The following LRRC4C variants were observed in gnomAD, a reference collection of about 807,000 sequenced individuals.
LRRC4C encodes the protein leucine rich repeat containing 4C.
In LRRC4C, 5 loss-of-function variants were observed where a neutral mutation model predicts 33.6. The observed-to-expected ratio is 0.15, with a 90% CI of 0.08 to 0.31. LRRC4C has a LOEUF of 0.31. LRRC4C is among the 10% of genes least tolerant of loss of function. The probability of loss-of-function intolerance (pLI) is 1.00; values close to 1 mark genes in which losing one functional copy is unlikely to be tolerated. For missense variants in LRRC4C, 560 were observed against 796.7 expected (o/e 0.70, Z 3.58); for synonymous variants, 329 against 302.0 (o/e 1.09, Z -0.93).
At chr11:41,365,187 G>A (rs1952491762) in intron 1 of LRRC4C, among the ~76,000 whole-genome samples, 1 of 152,110 alleles carries the variant, frequency 6.6e-6, no homozygotes. Flanking sequence ...AGTTAGTGGA[G>A]ACATCAGATG....
intron 3 of LRRC4C, among the ~76,000 whole-genome samples, chr11:40,460,733 G>A (rs1182840102): frequency 2.0e-5 from 3 of 152,098 alleles, no homozygotes; most frequent in South Asian, 2.1e-4. Context: ...GATGCTCCAC[G>A]AAGACAGGGG....
chr11:40,381,716 CTT>C (rs1400735418), intron 3 of LRRC4C, among the ~76,000 whole-genome samples: 1 of 151,838 alleles, frequency 6.6e-6, no homozygotes, highest in African/African-American at 2.4e-5. Flanking sequence ...ATGGCTCTCT[CTT>C]GGTGCTACCA....
intron 1 of LRRC4C, among the ~76,000 whole-genome samples, chr11:41,362,778 T>C (rs1952400991): frequency 6.7e-6 from 1 of 150,288 alleles, no homozygotes; most frequent in Non-Finnish European, 1.5e-5. Context: ...CTTCTAGAGC[T>C]GCATTCCTAA....
At chr11:41,387,567 G>T (rs978829218) in intron 1 of LRRC4C, among the ~76,000 whole-genome samples, 2 of 151,824 alleles carry the variant, frequency 1.3e-5, no homozygotes, top group South Asian at 2.1e-4. Flanking sequence ...TTTTTGAGGA[G>T]AGATGGTAAT....
chr11:40,244,694 G>GT (rs1866188495), intron 4 of LRRC4C, among the ~76,000 whole-genome samples: 1 of 150,650 alleles, frequency 6.6e-6, no homozygotes, highest in Non-Finnish European at 1.5e-5. Flanking sequence ...ATTAACCTGT[G>GT]TTTTTTGAGT....
intron 2 of LRRC4C, among the ~76,000 whole-genome samples, chr11:40,660,999 G>C (rs1016101236): frequency 1.3e-5 from 2 of 152,056 alleles, no homozygotes; most frequent in Non-Finnish European, 2.9e-5. Context: ...ATGAATAAAG[G>C]GGTTTCTTTT....
At chr11:40,660,643 G>GATCT (rs1943384508) in intron 2 of LRRC4C, among the ~76,000 whole-genome samples, 1 of 152,134 alleles carries the variant, frequency 6.6e-6, no homozygotes, top group Admixed American at 6.5e-5. Context: ...AGCACACAAT[G>GATCT]ATCTCTTCCT....
chr11:40,315,205 A>G (rs1945514653), intron 4 of LRRC4C, among the ~76,000 whole-genome samples: 1 of 151,940 alleles, frequency 6.6e-6, no homozygotes, highest in Non-Finnish European at 1.5e-5. Context: ...AATACTGCAC[A>G]GACAGGAAAA....
chr11:41,170,706 A>C (rs1299465914), intron 1 of LRRC4C, among the ~76,000 whole-genome samples: 1 of 152,214 alleles, frequency 6.6e-6, no homozygotes, highest in Non-Finnish European at 1.5e-5. Context: ...CAAGGACTTC[A>C]CATCTAAAAC....
chr11:40,733,370 C>T (rs1036877985), intron 2 of LRRC4C, among the ~76,000 whole-genome samples: 2 of 151,788 alleles, frequency 1.3e-5, no homozygotes, highest in African/African-American at 4.8e-5. Context: ...CCACGGTGCC[C>T]GCCTGAATAT....
At chr11:40,498,219 T>C (rs1390454895) in intron 3 of LRRC4C, among the ~76,000 whole-genome samples, 1 of 152,160 alleles carries the variant, frequency 6.6e-6, no homozygotes, top group Non-Finnish European at 1.5e-5. Context: ...CTAAATAATA[T>C]GTAGAGTTAG....
chr11:41,004,607 T>C (rs1854605592), intron 1 of LRRC4C, among the ~76,000 whole-genome samples: 7 of 152,218 alleles, frequency 4.6e-5, no homozygotes, highest in Admixed American at 4.6e-4. Context: ...GCTCTATGCT[T>C]TATTCAATTT....
intron 3 of LRRC4C, among the ~76,000 whole-genome samples, chr11:40,442,419 C>G (rs926455546): frequency 2.0e-5 from 3 of 152,062 alleles, no homozygotes; most frequent in African/African-American, 7.2e-5. Flanking sequence ...GCCCCTGGAA[C>G]TTAGGCAGCA....
chr11:40,371,007 A>T (rs731130), intron 3 of LRRC4C, among the ~76,000 whole-genome samples: 9,992 of 151,998 alleles, frequency 0.066, 1,040 homozygotes, highest in African/African-American at 0.22. Context: ...TGATTTTTTT[A>T]AAAAAAATCT....
chr11:40,754,722 CTCT>C (rs1236938830), intron 2 of LRRC4C, among the ~76,000 whole-genome samples: 1 of 151,822 alleles, frequency 6.6e-6, no homozygotes, highest in Non-Finnish European at 1.5e-5. Flanking sequence ...TTTTAATTTC[CTCT>C]TGTTTTATTT....
rs892532590 is a variant in LRRC4C at position 41,397,859 on chromosome 11, T to C, written c.-496+61572A>G. On this transcript the variant is annotated intron_variant, in intron 1 of 6. Coordinates refer to ENST00000528697, the MANE Select transcript of LRRC4C (RefSeq NM_001258419.2). ...TAGAGATCCAAACCAGTAGAGAAGA[T>C]AGAAAATTATTATTATATATTTTCC... is the stretch of plus-strand genomic sequence containing the variant. Among the ~76,000 whole-genome samples, 3 of 151,908 alleles carry C rather than the reference T, an allele frequency of 2.0e-5. No individual in the cohort carries two copies. In the East Asian group the frequency reaches 5.8e-4, roughly 30 times the overall value.
intron 1 of LRRC4C, among the ~76,000 whole-genome samples, chr11:40,980,705 A>G (rs937849422): frequency 6.6e-6 from 1 of 152,204 alleles, no homozygotes; most frequent in Non-Finnish European, 1.5e-5. Flanking sequence ...TTCGTATTTC[A>G]TGACAGTTTG....
At chr11:40,526,774 G>A (rs1247603762) in intron 3 of LRRC4C, among the ~76,000 whole-genome samples, 1 of 152,056 alleles carries the variant, frequency 6.6e-6, no homozygotes, top group Non-Finnish European at 1.5e-5. Context: ...ACTAAAAACT[G>A]CAAACAACCC....
At chr11:41,418,895 A>G (rs1273445413) in intron 1 of LRRC4C, among the ~76,000 whole-genome samples, 1 of 152,006 alleles carries the variant, frequency 6.6e-6, no homozygotes, top group African/African-American at 2.4e-5. Context: ...TAGTGTATGA[A>G]TTTTAAATAT....
Sources: gnomAD v4.1 joint callset for allele counts (sites outside exome capture counted in the v4.1 genomes callset) on GRCh38, gnomAD v4.1.1 for gene constraint, MANE v1.5 for transcripts, NCBI Gene and HGNC (gene_info 2026-07-23, HGNC 2026-07-21) for gene names.